NALCN: variants seen among roughly 807,000 people sequenced by gnomAD.
NALCN encodes the protein sodium leak channel NALCN.
A neutral mutation model predicts 225.3 loss-of-function variants in NALCN; 111 were observed. The observed-to-expected ratio is 0.49, with a 90% CI of 0.42 to 0.58. NALCN has a LOEUF of 0.58. NALCN is among the 20% of genes least tolerant of loss of function. The pLI is 0.00. For synonymous variants in NALCN, 764 were observed against 769.0 expected, an observed-to-expected ratio of 0.99 and a Z score of 0.11; for missense variants, 1,378 against 2,202.4, an observed-to-expected ratio of 0.63 and a Z score of 7.49.
chr13:101,131,693 A>G lies in NALCN; in HGVS notation c.2119-7012T>C, dbSNP rs959036686. On this transcript the variant is annotated intron_variant, in intron 17 of 43. Transcript: ENST00000251127. ...CTAAGCTTGGTTTCCTCCCACAGAC[A>G]CTAATATCATGCAAATCATGTGGCT... 2.0e-5 allele frequency among the ~76,000 whole-genome samples: 3 copies of G among 152,142 alleles called. 1 individual carries two copies. Among genetic ancestry groups the G allele is most frequent in the Non-Finnish European group, 1.5e-5 (1 of 68,012 alleles).
chr13:101,165,761 C>T (rs2038408420), intron 15 of NALCN, among the ~76,000 whole-genome samples: 1 of 152,242 alleles, frequency 6.6e-6, no homozygotes, highest in South Asian at 2.1e-4. Context: ...CAGGCGTGAG[C>T]CACCACGCCT....
At chr13:101,201,643 ATTAC>A (rs1211570508) in intron 13 of NALCN, among the ~76,000 whole-genome samples, 5 of 152,118 alleles carry the variant, frequency 3.3e-5, no homozygotes, top group Non-Finnish European at 1.5e-5. Flanking sequence ...GTTTTGATAA[ATTAC>A]TTCTGACTTT....
chr13:101,270,500 C>A (rs1236050400), intron 10 of NALCN, among the ~76,000 whole-genome samples: 2 of 152,170 alleles, frequency 1.3e-5, no homozygotes, highest in African/African-American at 2.4e-5. Flanking sequence ...TAATACACTG[C>A]ATTTCTAATG....
intron 6 of NALCN, among the ~76,000 whole-genome samples, chr13:101,364,362 G>GTA (rs1461408617): frequency 6.6e-6 from 1 of 152,010 alleles, no homozygotes; most frequent in Non-Finnish European, 1.5e-5. Flanking sequence ...AATGTGATAT[G>GTA]TATATATACA....
chr13:101,381,627 C>T (rs1406687801), intron 3 of NALCN, among the ~76,000 whole-genome samples: 1 of 152,112 alleles, frequency 6.6e-6, no homozygotes, highest in Non-Finnish European at 1.5e-5. Context: ...TTCCTTCTTT[C>T]CCTCAGCTCA....
chr13:101,320,616 T>G (rs1398267383), intron 7 of NALCN, among the ~76,000 whole-genome samples: 3 of 152,164 alleles, frequency 2.0e-5, no homozygotes, highest in Non-Finnish European at 2.9e-5. Flanking sequence ...TTAGACAGTT[T>G]ACTGCCTTTC....
chr13:101,259,321 G>C (rs1198200693), intron 10 of NALCN, among the ~76,000 whole-genome samples: 3 of 151,770 alleles, frequency 2.0e-5, no homozygotes, highest in African/African-American at 7.3e-5. Context: ...AAAAAATAAT[G>C]AGTATTATTT....
intron 14 of NALCN, among the ~76,000 whole-genome samples, chr13:101,178,144 C>G (rs959483442): frequency 1.5e-4 from 23 of 152,254 alleles, no homozygotes; most frequent in African/African-American, 5.3e-4. Context: ...AATACCTCGA[C>G]GACAGAAAGT....
At chr13:101,160,349 C>T (rs2038119342) in intron 15 of NALCN, among the ~76,000 whole-genome samples, 1 of 152,126 alleles carries the variant, frequency 6.6e-6, no homozygotes, top group Admixed American at 6.6e-5. Context: ...TTTATCTGCG[C>T]TTATCATAAA....
In NALCN at chr13:101,292,338, G is replaced by A. The variant is rs533924137; in HGVS notation, c.828C>T (p.Ala276=). The A allele has an allele frequency of 6.3e-5, 101 of 1,614,030 alleles. No homozygotes were observed. The East Asian group carries it at 1.6e-3, about 25-fold the overall frequency. The change falls in exon 8 of 44, where the codon GCC becomes GCT. Residue 276 remains alanine (A), a synonymous_variant. Coordinates refer to ENST00000251127, the MANE Select transcript of NALCN (RefSeq NM_052867.4). This position sits in a 1 kb window ranked among gnomAD's most constrained non-coding sequence, Gnocchi z 4.3. Reference sequence around the variant, plus strand: ...GGAACACCCAGCCTTCCTGTGAGGCGGCCTCATAGACGGTGAATATACTAG... The same window carrying A: ...GGAACACCCAGCCTTCCTGTGAGGCAGCCTCATAGACGGTGAATATACTAG... The part of the protein sequence containing the change: ...IGTSIFTVYE[A]ASQEGWVFLM...
intron 17 of NALCN, among the ~76,000 whole-genome samples, chr13:101,128,413 A>G (rs2036346987): frequency 6.6e-6 from 1 of 152,224 alleles, no homozygotes; most frequent in Non-Finnish European, 1.5e-5. Flanking sequence ...TTGTGATTGA[A>G]TAATTTGGAC....
chr13:101,316,269 TA>T (rs1285211032), intron 7 of NALCN, among the ~76,000 whole-genome samples: 10 of 152,190 alleles, frequency 6.6e-5, no homozygotes, highest in Non-Finnish European at 1.5e-4. Context: ...GCAAATAGAT[TA>T]AATTATGTAC....
At chr13:101,343,602 G>C (rs1285221584) in intron 7 of NALCN, among the ~76,000 whole-genome samples, 1 of 152,200 alleles carries the variant, frequency 6.6e-6, no homozygotes, top group Non-Finnish European at 1.5e-5. Flanking sequence ...AAGACGAAAA[G>C]ATGCACTTCC....
At chr13:101,188,565 TAC>T (rs1019112282) in intron 14 of NALCN, among the ~76,000 whole-genome samples, 15 of 151,680 alleles carry the variant, frequency 9.9e-5, no homozygotes, top group African/African-American at 3.4e-4. Flanking sequence ...TACATATATA[TAC>T]ACACACATAT....
intron 14 of NALCN, among the ~76,000 whole-genome samples, chr13:101,191,062 ATT>A (rs2039659503): frequency 6.6e-6 from 1 of 152,204 alleles, no homozygotes; most frequent in African/African-American, 2.4e-5. Flanking sequence ...TAGCAATAAT[ATT>A]GTAAGATATT....
intron 9 of NALCN, among the ~76,000 whole-genome samples, chr13:101,288,697 A>G (rs568915514): frequency 3.2e-4 from 49 of 152,350 alleles, no homozygotes; most frequent in African/African-American, 1.1e-3. Context: ...GTGCAATCAG[A>G]ATATTTAATT....
intron 13 of NALCN, among the ~76,000 whole-genome samples, chr13:101,224,474 C>A (rs2041061527): frequency 6.6e-6 from 1 of 152,148 alleles, no homozygotes; most frequent in Non-Finnish European, 1.5e-5. Context: ...AATAAAACCA[C>A]TCCTCACTGC....
chr13:101,081,454 C>T (rs1402155583), intron 34 of NALCN, 73 bp downstream of exon 34: 2 of 1,597,848 alleles, frequency 1.3e-6, no homozygotes, highest in Non-Finnish European at 8.5e-7. Context: ...TAAAATGAGA[C>T]TGGAAACAGG....
chr13:101,395,684 C>A (rs958730813), intron 2 of NALCN, among the ~76,000 whole-genome samples: 2 of 152,162 alleles, frequency 1.3e-5, no homozygotes, highest in South Asian at 2.1e-4. Context: ...CATCTGATAA[C>A]CTCCTGGGCA....
Sources: gnomAD v4.1 joint callset for allele counts (sites outside exome capture counted in the v4.1 genomes callset) on GRCh38, gnomAD v4.1.1 for gene constraint, Gnocchi (gnomAD v3.1) non-coding constraint, MANE v1.5 for transcripts, NCBI Gene and HGNC (gene_info 2026-07-23, HGNC 2026-07-21) for gene names.